The following CCDC60 variants were observed in gnomAD, a reference collection of about 807,000 sequenced individuals.
CCDC60 encodes the protein coiled-coil domain-containing protein 60.
CCDC60 carries 54 observed loss-of-function variants against 63.5 expected under a neutral mutation model. The observed-to-expected ratio is 0.85, with a 90% CI of 0.68 to 1.07. CCDC60 has a LOEUF of 1.07. Among genes scored for constraint, CCDC60 ranks in the 50% least tolerant of loss-of-function variants. CCDC60 has a pLI of 0.00. For synonymous variants in CCDC60, 206 were observed against 238.8 expected (o/e 0.86, Z 1.27); for missense variants, 651 against 684.3 (o/e 0.95, Z 0.54).
intron 7 of CCDC60, among the ~76,000 whole-genome samples, chr12:119,507,569 T>TACAC (rs1952059730): frequency 1.7e-5 from 1 of 57,560 alleles, no homozygotes; most frequent in Non-Finnish European, 2.8e-5. Flanking sequence ...TATATATATA[T>TACAC]GTATATATAC....
intron 1 of CCDC60, among the ~76,000 whole-genome samples, chr12:119,356,303 C>T (rs1235647495): frequency 3.3e-5 from 5 of 152,182 alleles, no homozygotes; most frequent in African/African-American, 1.2e-4. Context: ...TCAAGTTTCC[C>T]TAGGTACTGC....
At chr12:119,472,213 T>G (rs1185546003) in intron 3 of CCDC60, 49 bp downstream of exon 3, 8 of 1,570,112 alleles carry the variant, frequency 5.1e-6, no homozygotes, top group African/African-American at 1.4e-5. Flanking sequence ...GAATGACCAT[T>G]GAGAGTGAAC....
intron 2 of CCDC60, among the ~76,000 whole-genome samples, chr12:119,454,508 T>C (rs1397343844): frequency 6.6e-6 from 1 of 152,134 alleles, no homozygotes; most frequent in African/African-American, 2.4e-5. Context: ...CAGTGGAGAC[T>C]CTCCCAGGCC....
At chr12:119,494,945 C>T (rs1378872407) in intron 5 of CCDC60, among the ~76,000 whole-genome samples, 1 of 152,204 alleles carries the variant, frequency 6.6e-6, no homozygotes, top group Non-Finnish European at 1.5e-5. Context: ...CATGCCATTG[C>T]ACTCCAGCCT....
chr12:119,498,210 A>G (rs1593175127), intron 5 of CCDC60, among the ~76,000 whole-genome samples: 2 of 152,024 alleles, frequency 1.3e-5, no homozygotes, highest in African/African-American at 4.8e-5. Context: ...TATCTTGATC[A>G]CCTTTTGCCT....
At chr12:119,480,614 T>A (rs1402281503) in intron 4 of CCDC60, among the ~76,000 whole-genome samples, 1 of 150,488 alleles carries the variant, frequency 6.6e-6, no homozygotes, top group Admixed American at 6.6e-5. Context: ...ATCACCATCA[T>A]CATCATCATC....
chr12:119,449,242 TG>T lies in CCDC60; in HGVS notation c.170+20486del, dbSNP rs140059473. ...TTAAATGCCAGATCTGCCTTCCCTT[TG>T]GGGGGTTTAAACACCACTCCTAGTC... On this transcript the variant is annotated intron_variant, in intron 2 of 13. Coordinates refer to ENST00000327554, the MANE Select transcript of CCDC60 (RefSeq NM_178499.5). 5.3e-3 allele frequency among the ~76,000 whole-genome samples: 804 copies of T among 152,300 alleles called. 6 individuals are homozygous for T. The highest frequency in any genetic ancestry group is 0.018 in the African/African-American group (728 of 41,550).
chr12:119,412,630 G>A (rs1220627267), intron 1 of CCDC60, among the ~76,000 whole-genome samples: 1 of 152,072 alleles, frequency 6.6e-6, no homozygotes, highest in African/African-American at 2.4e-5. Flanking sequence ...TCACTCACTC[G>A]CTGGGTGACC....
intron 1 of CCDC60, among the ~76,000 whole-genome samples, chr12:119,390,962 C>T (rs1384544107): frequency 6.6e-6 from 1 of 152,252 alleles, no homozygotes; most frequent in African/African-American, 2.4e-5. Flanking sequence ...TAACCTCAGG[C>T]CACCTAGTCA....
chr12:119,479,455 A>G, intron 4 of CCDC60: 1 of 452,846 alleles, frequency 2.2e-6, no homozygotes, highest in South Asian at 2.4e-5. Flanking sequence ...AATGTCAAAT[A>G]GTTTGCAAAG....
At chr12:119,530,472 A>C (rs1024601344) in intron 12 of CCDC60, among the ~76,000 whole-genome samples, 1 of 152,006 alleles carries the variant, frequency 6.6e-6, no homozygotes, top group Non-Finnish European at 1.5e-5. Context: ...ACACACACAC[A>C]CCGTCGTGTG....
chr12:119,455,970 G>A (rs71452696), intron 2 of CCDC60, among the ~76,000 whole-genome samples: 1 of 126,310 alleles, frequency 7.9e-6, no homozygotes, highest in East Asian at 2.6e-4. Flanking sequence ...GGGAGGGGAG[G>A]GAGGGAGGGA....
At chr12:119,506,037 G>A (rs528073866) in intron 7 of CCDC60, among the ~76,000 whole-genome samples, 12 of 151,922 alleles carry the variant, frequency 7.9e-5, no homozygotes, top group South Asian at 2.1e-4. Flanking sequence ...CATAAAATTC[G>A]CTTATTTTAA....
chr12:119,469,392 C>T (rs190141460), intron 2 of CCDC60, among the ~76,000 whole-genome samples: 8 of 152,216 alleles, frequency 5.3e-5, no homozygotes, highest in African/African-American at 1.9e-4. Context: ...TCCCGAGTAG[C>T]TGGGATTAGA....
intron 7 of CCDC60, among the ~76,000 whole-genome samples, chr12:119,514,029 T>C (rs1022932633): frequency 2.6e-5 from 4 of 152,180 alleles, no homozygotes; most frequent in African/African-American, 9.7e-5. Context: ...TCATGGGAGA[T>C]GACAGCTCCA....
At chr12:119,381,184 T>C (rs1022561816) in intron 1 of CCDC60, among the ~76,000 whole-genome samples, 1 of 152,202 alleles carries the variant, frequency 6.6e-6, no homozygotes, top group African/African-American at 2.4e-5. Context: ...TTCCTCCCCA[T>C]GACCAGCACC....
chr12:119,534,128 C>A (rs1307805837), intron 13 of CCDC60, among the ~76,000 whole-genome samples: 1 of 152,086 alleles, frequency 6.6e-6, no homozygotes, highest in Non-Finnish European at 1.5e-5. Flanking sequence ...TTGAAGAGGT[C>A]CTTCACATCC....
Position 119,513,385 on chromosome 12 carries a change from C to T in CCDC60, c.884-3238C>T, listed in dbSNP as rs111589665. Among the ~76,000 whole-genome samples, 911 of 152,292 alleles carry T rather than the reference C, an allele frequency of 6.0e-3. 6 individuals carry two copies. The highest frequency in any genetic ancestry group is 0.021 in the African/African-American group (858 of 41,558). On this transcript the variant is annotated intron_variant, in intron 7 of 13. Coordinates refer to ENST00000327554, the MANE Select transcript of CCDC60 (RefSeq NM_178499.5). ...ATACTAAACATCCAAACCAACATGT[C>T]CATAGGGCCATGCATCTTCCGAAAT...
chr12:119,367,441 C>T (rs969126242), intron 1 of CCDC60, among the ~76,000 whole-genome samples: 7 of 152,148 alleles, frequency 4.6e-5, no homozygotes, highest in Non-Finnish European at 8.8e-5. Context: ...CTCCAAGTCC[C>T]CCAAACTCTG....
Sources: allele counts gnomAD v4.1 joint callset (sites outside exome capture counted in the v4.1 genomes callset), GRCh38; gene constraint gnomAD v4.1.1; transcripts MANE v1.5; gene names NCBI Gene and HGNC (gene_info 2026-07-23, HGNC 2026-07-21).